Variants in KRTAP10-10 observed in about 807,000 individuals in gnomAD.
KRTAP10-10 encodes the protein keratin-associated protein 10-10.
For missense variants in KRTAP10-10, 324 were observed against 319.9 expected (o/e 1.01, Z -0.10); for synonymous variants, 139 against 137.6 (o/e 1.01, Z -0.07).
Position 44,637,869 on chromosome 21 carries a change from G to A in KRTAP10-10, c.452G>A (p.Cys151Tyr), listed in dbSNP as rs1299894584. Residue 151 changes from cysteine (C) to tyrosine (Y), a missense_variant, in exon 1 of 1, where the codon TGC becomes TAC. Physicochemically the swap from Cys to Tyr is radical, Grantham distance 194 (BLOSUM62 -2). Transcript: ENST00000380095. ...CAGCAGGCCTGCTGTGTGCCTGTCT[G>A]CTCTAAGTCCGTCTGCTATGTGCCT... is the stretch of plus-strand genomic sequence containing the variant. Reference protein sequence around the residue: ...PCQQACCVPVCSKSVCYVPVC... With the variant: ...PCQQACCVPVYSKSVCYVPVC... The A allele has an allele frequency of 2.6e-6, 4 of 1,532,204 alleles. No individual in the cohort carries two copies. The highest frequency in any genetic ancestry group is 3.6e-6 in the Non-Finnish European group (4 of 1,126,206). 94.9% of individuals were successfully genotyped at this position (1,532,204 alleles called of 1,614,324 possible).
Position 44,637,945 on chromosome 21 carries a change from T to G in KRTAP10-10, c.528T>G (p.Pro176=), listed in dbSNP as rs2472724. The change falls in exon 1 of 1, where the codon CCT becomes CCG. Residue 176 remains proline (P), a synonymous_variant. Coordinates refer to ENST00000380095, the MANE Select transcript of KRTAP10-10 (RefSeq NM_181688.3). The part of the protein sequence containing the change: ...TSCCQQSSCQ[P]ACCTASCCRP... ...GCTGCCAGCAGTCTAGCTGCCAGCC[T>G]GCTTGCTGCACCGCCTCCTGCTGCA... 45,311 of 1,610,866 alleles carry G rather than the reference T, an allele frequency of 0.028. 753 individuals are homozygous for G. The highest frequency in any genetic ancestry group is 0.031 in the Non-Finnish European group (36,599 of 1,179,556).
rs587686657 is a variant in KRTAP10-10, at chr21:44,638,051, T to C, written c.634T>C (p.Ser212Pro). The change falls in exon 1 of 1, where the codon TCT becomes CCT. Residue 212 changes from serine to proline, a missense_variant. Coordinates refer to ENST00000380095, the MANE Select transcript of KRTAP10-10 (RefSeq NM_181688.3). ...CCVPVPSCGA[S>P]ASSCQPSCCR... ...CGTGCCCGTCCCCTCCTGCGGTGCC[T>C]CTGCCTCCTCCTGCCAGCCCAGCTG... 3.7e-5 allele frequency: 60 copies of C among 1,613,190 alleles called. No individual in the cohort carries two copies. Among genetic ancestry groups the C allele is most frequent in the South Asian group, 3.5e-4 (32 of 90,958 alleles).
chr21:44,638,395 T>A lies in KRTAP10-10; in HGVS notation c.*222T>A. ...CTGCAGAACTAACCCCCAGCAGGCC[T>A]GGTTCCACCCTGGGCAGCACCCCCT... On this transcript the variant is annotated 3_prime_UTR_variant, in exon 1 of 1. Coordinates refer to ENST00000380095, the MANE Select transcript of KRTAP10-10 (RefSeq NM_181688.3). 2.5e-6 allele frequency: 1 copy of A among 394,470 alleles called. No individual in the cohort carries two copies. The highest frequency in any genetic ancestry group is 4.8e-6 in the Non-Finnish European group (1 of 209,106). 24.4% of individuals were successfully genotyped at this position (394,470 alleles called of 1,614,324 possible). A position where few individuals can be genotyped will look rare whatever the true frequency, so the allele number is the denominator to read the frequency against.
Position 44,637,521 on chromosome 21 carries a change from C to T in KRTAP10-10, c.104C>T (p.Ala35Val), listed in dbSNP as rs1555937093. ...TGCGAGCCCTGCTGCTGTGCCCCAG[C>T]CCCCAGCTTGACCCTGGTCTGCACC... ...SCCEPCCCAP[A>V]PSLTLVCTPV... Residue 35 changes from alanine (A) to valine (V), a missense_variant, in exon 1 of 1, where the codon GCC becomes GTC. Physicochemically the swap from Ala to Val is moderately conservative, Grantham distance 64 (BLOSUM62 0). Transcript: ENST00000380095. The T allele has an allele frequency of 1.2e-6, 2 of 1,613,484 alleles. No homozygotes were observed. The highest frequency in any genetic ancestry group is 3.3e-5 in the Admixed American group (2 of 60,016).
the KRTAP10-10 span, chr21:44,637,577 C>T: frequency 6.2e-7 from 1 of 1,613,854 alleles, no homozygotes; most frequent in Admixed American, 1.7e-5. Flanking sequence ...CCCCTGCTGC[C>T]AGACGGCCTG....
At position 44,637,630 on chromosome 21, in the gene KRTAP10-10, A is replaced by C. The variant is rs782139344; in HGVS notation, c.213A>C (p.Thr71=). 6.2e-7 allele frequency: 1 copy of C among 1,612,082 alleles called. No homozygotes were observed. Among genetic ancestry groups the C allele is most frequent in the Non-Finnish European group, 8.5e-7 (1 of 1,179,134 alleles). ...ACQSGYTSSC[T]TPCYQQSSCQ... ...AATCAGGCTACACCAGCTCCTGCAC[A>C]ACCCCATGCTACCAGCAGTCTAGCT... Residue 71 remains threonine (T), a synonymous_variant, in exon 1 of 1, where the codon ACA becomes ACC. Transcript: ENST00000380095.
chr21:44,638,005 T>C lies in KRTAP10-10; in HGVS notation c.588T>C (p.Pro196=), dbSNP rs782330339. 12 of 1,613,094 alleles carry C rather than the reference T, an allele frequency of 7.4e-6. No homozygotes were observed. Among genetic ancestry groups the C allele is most frequent in the East Asian group, 2.2e-5 (1 of 44,834 alleles). ...CCTCCGTGTCCCTCCTCTGCCACCC[T>C]GTGTGCAAGTCCACCTGCTGCGTGC... ...PSSSVSLLCH[P]VCKSTCCVPV... Residue 196 remains proline (P), a synonymous_variant, in exon 1 of 1, where the codon CCT becomes CCC. Coordinates refer to ENST00000380095, the MANE Select transcript of KRTAP10-10 (RefSeq NM_181688.3).
chr21:44,637,784 T>C lies in KRTAP10-10; in HGVS notation c.367T>C (p.Ser123Pro), dbSNP rs1555937316. ...CTTCGTGCCTACCTGCTCCGAGTCT[T>C]CCCCTTCATGCTGCCAGCAGTCTAG... The part of the protein sequence containing the change: ...VCFVPTCSES[S>P]PSCCQQSSCQ... The change falls in exon 1 of 1, where the codon TCC becomes CCC. Residue 123 changes from serine to proline, a missense_variant. Ser to Pro is a moderately conservative substitution (Grantham distance 74, BLOSUM62 -1). Coordinates refer to ENST00000380095, the MANE Select transcript of KRTAP10-10 (RefSeq NM_181688.3). The C allele has an allele frequency of 3.0e-6, 4 of 1,351,492 alleles. No individual in the cohort carries two copies. The South Asian group carries it at 5.5e-5, about 18-fold the overall frequency. The allele number at this position is 1,351,492 out of a possible 1,614,324, so 83.7% of individuals were successfully genotyped here.
At position 44,638,094 on chromosome 21, in the gene KRTAP10-10, G is replaced by A. The variant is rs948259447; in HGVS notation, c.677G>A (p.Cys226Tyr). The A allele has an allele frequency of 1.9e-6, 3 of 1,613,550 alleles. No homozygotes were observed. Among genetic ancestry groups the A allele is most frequent in the East Asian group, 2.2e-5 (1 of 44,844 alleles). ...CCCAGCTGCTGCCGCACGGCCTCCT[G>A]TGTTTCCCTCCTCTGCCGCCCCGTG... ...CQPSCCRTAS[C>Y]VSLLCRPVCS... The change falls in exon 1 of 1, where the codon TGT becomes TAT. Residue 226 changes from cysteine to tyrosine, a missense_variant. Physicochemically the swap from Cys to Tyr is radical, Grantham distance 194. Coordinates refer to ENST00000380095, the MANE Select transcript of KRTAP10-10 (RefSeq NM_181688.3).
In KRTAP10-10 at chr21:44,637,796, T is replaced by A. The variant is rs782520714; in HGVS notation, c.379T>A (p.Cys127Ser). The A allele has an allele frequency of 3.7e-6, 5 of 1,361,842 alleles. No individual in the cohort carries two copies. In the East Asian group the frequency reaches 1.2e-4, roughly 32 times the overall value. The allele number at this position is 1,361,842 out of a possible 1,614,324, so 84.4% of individuals were successfully genotyped here. A position where few individuals can be genotyped will look rare whatever the true frequency, so the allele number is the denominator to read the frequency against. The part of the protein sequence containing the change: ...PTCSESSPSC[C>S]QQSSCQPTCC... ...CTGCTCCGAGTCTTCCCCTTCATGC[T>A]GCCAGCAGTCTAGCTGCCAGCCAAC... is the stretch of plus-strand genomic sequence containing the variant. The change falls in exon 1 of 1, where the codon TGC (cysteine) becomes AGC (serine). Residue 127 changes from cysteine to serine, a missense_variant. Cys to Ser is a moderately radical substitution (Grantham distance 112). Transcript: ENST00000380095.
In KRTAP10-10 at chr21:44,637,454, T is replaced by C. The variant is rs1555937001; in HGVS notation, c.37T>C (p.Cys13Arg). The change falls in exon 1 of 1, where the codon TGC becomes CGC. Residue 13 changes from cysteine (C) to arginine (R), a missense_variant. Transcript: ENST00000380095. ...CACCATGTCCATCTGCTCCAGCGCC[T>C]GCACTGACTCTTGGCGGGTAGTCGA... ...ASTMSICSSA[C>R]TDSWRVVDCP... 3.1e-6 allele frequency: 5 copies of C among 1,612,628 alleles called. No homozygotes were observed. In the African/African-American group the frequency reaches 5.3e-5, roughly 17 times the overall value.
Position 44,638,056 on chromosome 21 carries a change from C to G in KRTAP10-10, c.639C>G (p.Ala213=). 6.2e-7 allele frequency: 1 copy of G among 1,613,298 alleles called. No individual in the cohort carries two copies. The highest frequency in any genetic ancestry group is 1.1e-5 in the South Asian group (1 of 90,972). The change falls in exon 1 of 1, where the codon GCC becomes GCG. Residue 213 remains alanine, a synonymous_variant. Coordinates refer to ENST00000380095, the MANE Select transcript of KRTAP10-10 (RefSeq NM_181688.3). ...CCGTCCCCTCCTGCGGTGCCTCTGC[C>G]TCCTCCTGCCAGCCCAGCTGCTGCC... The part of the protein sequence containing the change: ...CVPVPSCGAS[A]SSCQPSCCRT...
chr21:44,637,497 G>T lies in KRTAP10-10; in HGVS notation c.80G>T (p.Cys27Phe). 1 of 1,613,466 alleles carries T rather than the reference G, an allele frequency of 6.2e-7. No homozygotes were observed. The highest frequency in any genetic ancestry group is 8.5e-7 in the Non-Finnish European group (1 of 1,179,862). The change falls in exon 1 of 1, where the codon TGC becomes TTC. Residue 27 changes from cysteine to phenylalanine, a missense_variant. Cys to Phe is a radical substitution (Grantham distance 205). Transcript: ENST00000380095. The stretch of plus-strand genomic sequence containing the variant: ...GTAGTCGACTGCCCAGAGAGCTGCT[G>T]CGAGCCCTGCTGCTGTGCCCCAGCC... ...WRVVDCPESC[C>F]EPCCCAPAPS...
rs587734913 is a variant in KRTAP10-10, at chr21:44,637,598, G to A, written c.181G>A (p.Ala61Thr). ...CTGCCAGACGGCCTGTGAGCCCAGCGCCTGCCAATCAGGCTACACCAGCTC... is the reference window on the plus strand; with the variant it reads ...CTGCCAGACGGCCTGTGAGCCCAGCACCTGCCAATCAGGCTACACCAGCTC... ...PCCQTACEPS[A>T]CQSGYTSSCT... The change falls in exon 1 of 1, where the codon GCC becomes ACC. Residue 61 changes from alanine to threonine, a missense_variant. Ala to Thr is a moderately conservative substitution (Grantham distance 58, BLOSUM62 0). Coordinates refer to ENST00000380095, the MANE Select transcript of KRTAP10-10 (RefSeq NM_181688.3). 14 of 1,613,742 alleles carry A rather than the reference G, an allele frequency of 8.7e-6. No homozygotes were observed. The highest frequency in any genetic ancestry group is 1.7e-4 in the Middle Eastern group (1 of 5,972).
In KRTAP10-10 at chr21:44,638,212, G is replaced by T. The variant is rs782015600; in HGVS notation, c.*39G>T. 2 of 1,571,886 alleles carry T rather than the reference G, an allele frequency of 1.3e-6. No homozygotes were observed. Among genetic ancestry groups the T allele is most frequent in the African/African-American group, 2.7e-5 (2 of 74,226 alleles). On this transcript the variant is annotated 3_prime_UTR_variant, in exon 1 of 1. Coordinates refer to ENST00000380095, the MANE Select transcript of KRTAP10-10 (RefSeq NM_181688.3). ...GATCCGGAGTCCCTTCCCACCAGGG[G>T]CTGACCTCCCAGCTGCCCCAGCAAG...
In KRTAP10-10 at chr21:44,637,360, C is replaced by T; in HGVS notation, c.-58C>T. The T allele has an allele frequency of 6.4e-7, 1 of 1,567,222 alleles. No individual in the cohort carries two copies. The highest frequency in any genetic ancestry group is 8.7e-7 in the Non-Finnish European group (1 of 1,155,960). On this transcript the variant is annotated 5_prime_UTR_variant, in exon 1 of 1. Coordinates refer to ENST00000380095, the MANE Select transcript of KRTAP10-10 (RefSeq NM_181688.3). ...CAGCTGACAGGCTCACACACACACT[C>T]ACTCACACACTCACTCACTCACACA...
Position 44,637,789 on chromosome 21 carries a change from T to A in KRTAP10-10, c.372T>A (p.Pro124=), listed in dbSNP as rs1983725747. Residue 124 remains proline (P), a synonymous_variant, in exon 1 of 1, where the codon CCT becomes CCA. Transcript: ENST00000380095. ...TGCCTACCTGCTCCGAGTCTTCCCC[T>A]TCATGCTGCCAGCAGTCTAGCTGCC... is the stretch of plus-strand genomic sequence containing the variant. ...CFVPTCSESS[P]SCCQQSSCQP... is the part of the protein sequence containing the mutation. 7.4e-7 allele frequency: 1 copy of A among 1,347,714 alleles called. No individual in the cohort carries two copies. The highest frequency in any genetic ancestry group is 1.4e-5 in the South Asian group (1 of 73,136). The allele number at this position is 1,347,714 out of a possible 1,614,324, so 83.5% of individuals were successfully genotyped here. A position where few individuals can be genotyped will look rare whatever the true frequency, so the allele number is the denominator to read the frequency against.
In KRTAP10-10 at chr21:44,637,679, T is replaced by C. The variant is rs1344192418; in HGVS notation, c.262T>C (p.Ser88Pro). 1 of 1,541,198 alleles carries C rather than the reference T, an allele frequency of 6.5e-7. No homozygotes were observed. The highest frequency in any genetic ancestry group is 8.8e-7 in the Non-Finnish European group (1 of 1,136,232). ...CTGCCAGCCGGATTGCTGCACCTCC[T>C]CCCCCTGCCAGCAGGCCTGCTGTGT... ...SSCQPDCCTS[S>P]PCQQACCVPV... The change falls in exon 1 of 1, where the codon TCC (serine) becomes CCC (proline). Residue 88 changes from serine to proline, a missense_variant. Coordinates refer to ENST00000380095, the MANE Select transcript of KRTAP10-10 (RefSeq NM_181688.3).
rs782026582 is a variant in KRTAP10-10, at chr21:44,637,686, G to T, written c.269G>T (p.Cys90Phe). ...CCGGATTGCTGCACCTCCTCCCCCT[G>T]CCAGCAGGCCTGCTGTGTGCCTGTC... ...CQPDCCTSSP[C>F]QQACCVPVCC... is the part of the protein sequence containing the mutation. Residue 90 changes from cysteine (C) to phenylalanine (F), a missense_variant, in exon 1 of 1, where the codon TGC becomes TTC. By Grantham distance (205) the Cys-to-Phe change is radical. Coordinates refer to ENST00000380095, the MANE Select transcript of KRTAP10-10 (RefSeq NM_181688.3). The T allele has an allele frequency of 7.5e-7, 1 of 1,341,412 alleles. No individual in the cohort carries two copies. The highest frequency in any genetic ancestry group is 2.2e-5 in the Admixed American group (1 of 44,656). 83.1% of individuals were successfully genotyped at this position (1,341,412 alleles called of 1,614,324 possible). A position where few individuals can be genotyped will look rare whatever the true frequency, so the allele number is the denominator to read the frequency against.
Sources: allele counts gnomAD v4.1 joint callset, GRCh38; gene constraint gnomAD v4.1.1; transcripts MANE v1.5; gene names NCBI Gene and HGNC (gene_info 2026-07-23, HGNC 2026-07-21).